The following NLRC3 variants were observed in gnomAD, a reference collection of about 807,000 sequenced individuals.
NLRC3 encodes NLR family CARD domain containing 3, also known as NLR family CARD domain-containing protein 3.
NLRC3 carries 87 observed loss-of-function variants against 91.6 expected under a neutral mutation model. The ratio of observed to expected loss-of-function variants is 0.95; its 90% confidence interval spans 0.80 to 1.14. NLRC3 has a LOEUF of 1.14. Among genes scored for constraint, NLRC3 ranks in the 50% most tolerant of loss-of-function variants. NLRC3 has a pLI of 0.00. For synonymous variants in NLRC3, 694 were observed against 625.3 expected (o/e 1.11, Z -1.64); for missense variants, 1,577 against 1,418.6 (o/e 1.11, Z -1.79).
chr16:3,547,530 C>A (rs2038754191), intron 15 of NLRC3, among the ~76,000 whole-genome samples: 1 of 151,964 alleles, frequency 6.6e-6, no homozygotes, highest in Admixed American at 6.6e-5. Context: ...GTGGGTGGAT[C>A]TTCTGGCGTG....
At chr16:3,555,091 G>A (rs1411823719) in intron 8 of NLRC3, among the ~76,000 whole-genome samples, 1 of 152,012 alleles carries the variant, frequency 6.6e-6, no homozygotes, top group African/African-American at 2.4e-5. Context: ...TTAGCTGGGT[G>A]TGGTGGCACA....
chr16:3,577,088 T>TC (rs1310581184), intron 1 of NLRC3, 61 bp downstream of exon 1: 9 of 702,814 alleles, frequency 1.3e-5, no homozygotes, highest in Non-Finnish European at 1.8e-5. Flanking sequence ...CCACTGTCCT[T>TC]CCTGCCAGCA....
At chr16:3,560,401 C>A (rs1302817630) in intron 6 of NLRC3, among the ~76,000 whole-genome samples, 5 of 151,132 alleles carry the variant, frequency 3.3e-5, no homozygotes, top group African/African-American at 1.2e-4. Flanking sequence ...CCAGCCTGCC[C>A]AACACAGGGA....
At position 3,566,878 on chromosome 16, in the gene NLRC3, G is replaced by A. The variant is rs1266796532; in HGVS notation, c.-87+365C>T. 7.2e-5 allele frequency among the ~76,000 whole-genome samples: 11 copies of A among 152,306 alleles called. No homozygotes were observed. The East Asian group carries it at 7.7e-4, about 11-fold the overall frequency. On this transcript the variant is annotated intron_variant, in intron 2 of 19. Transcript: ENST00000359128. ...TGCACTCCAGTCGGAGGGGAAGAGC[G>A]AGACTCCGTAAGCCTAAAATTGCTT...
intron 13 of NLRC3, 130 bp from the exon 14 acceptor site, chr16:3,548,883 C>A (rs1284580542): frequency 1.9e-5 from 13 of 693,220 alleles, no homozygotes; most frequent in Non-Finnish European, 3.2e-5. Context: ...CCTGGGGATA[C>A]GTTGCCCAAT....
chr16:3,555,600 C>T (rs893009780), intron 8 of NLRC3, among the ~76,000 whole-genome samples: 2 of 151,972 alleles, frequency 1.3e-5, no homozygotes, highest in African/African-American at 2.4e-5. Flanking sequence ...GACAGAGTCT[C>T]GCTCTGTCGC....
Position 3,549,157 on chromosome 16 carries a change from G to A in NLRC3, c.2588C>T (p.Thr863Ile), listed in dbSNP as rs2038860213. ...AIAHALCANS[T>I]LKNLDLTANL... The stretch of plus-strand genomic sequence containing the variant: ...CACCACGTACTCCAGGTTCTTCAGG[G>A]TGCTGTTGGCGCAGAGGGCATGAGC... Residue 863 changes from threonine to isoleucine, a missense_variant, in exon 13 of 20, where the codon ACC becomes ATC. Physicochemically the swap from Thr to Ile is moderately conservative, Grantham distance 89 (BLOSUM62 -1). Transcript: ENST00000359128. 8 of 1,580,506 alleles carry A rather than the reference G, an allele frequency of 5.1e-6. No individual in the cohort carries two copies. Among genetic ancestry groups the A allele is most frequent in the Non-Finnish European group, 6.0e-6 (7 of 1,162,628 alleles).
chr16:3,549,546 T>C, intron 12 of NLRC3, 151 bp downstream of exon 12: 1 of 675,430 alleles, frequency 1.5e-6, no homozygotes, highest in South Asian at 1.8e-5. Context: ...AGCTATCCCC[T>C]GCACCCCAAG....
chr16:3,549,129 C>T lies in NLRC3; in HGVS notation c.2603+13G>A. 6.4e-7 allele frequency: 1 copy of T among 1,553,902 alleles called. No homozygotes were observed. The highest frequency in any genetic ancestry group is 8.7e-7 in the Non-Finnish European group (1 of 1,144,580). On this transcript the variant is annotated intron_variant, in intron 13 of 19. Transcript: ENST00000359128. ...ATGAACAGCCTGTGGAGTCACAGGC[C>T]CCCACCACGTACTCCAGGTTCTTCA...
At chr16:3,557,125 G>C (rs2039379157) in intron 7 of NLRC3, 131 bp from the exon 8 acceptor site, 1 of 652,104 alleles carries the variant, frequency 1.5e-6, no homozygotes, top group Non-Finnish European at 2.7e-6. Flanking sequence ...CTCATGTTTG[G>C]TGGAACCAGG....
chr16:3,553,015 G>C (rs958510106), intron 9 of NLRC3, among the ~76,000 whole-genome samples: 5 of 152,196 alleles, frequency 3.3e-5, no homozygotes, highest in Admixed American at 3.3e-4. Context: ...GCTTCCTCTT[G>C]TCCTAAATCT....
intron 1 of NLRC3, among the ~76,000 whole-genome samples, chr16:3,576,662 G>A (rs866929157): frequency 1.4e-5 from 2 of 141,212 alleles, no homozygotes; most frequent in African/African-American, 5.0e-5. Context: ...TTTCTTTTTT[G>A]TTTTGTTTTG....
intron 8 of NLRC3, among the ~76,000 whole-genome samples, chr16:3,555,519 G>A (rs916309610): frequency 1.3e-5 from 2 of 152,068 alleles, no homozygotes; most frequent in Admixed American, 6.6e-5. Flanking sequence ...CAGATGTGAT[G>A]GTGGCACAAC....
At chr16:3,543,668 C>T (rs1028160137) in intron 16 of NLRC3, 160 bp from the exon 17 acceptor site, 9 of 619,408 alleles carry the variant, frequency 1.5e-5, no homozygotes, top group Middle Eastern at 4.3e-4. Flanking sequence ...CTCCTACCTA[C>T]ACTGTCTGTT....
Position 3,549,199 on chromosome 16 carries a change from T to G in NLRC3, c.2546A>C (p.Glu849Ala). The change falls in exon 13 of 20, where the codon GAG becomes GCG. Residue 849 changes from glutamate (E) to alanine (A), a missense_variant. Transcript: ENST00000359128. ...GGCATGAGCGATGGCCTGGGCTCCC[T>G]CGGGACTGATGGAGTTTTCTCGAAG... ...LSLRENSISP[E>A]GAQAIAHALC... 6.3e-7 allele frequency: 1 copy of G among 1,587,512 alleles called. No individual in the cohort carries two copies. Among genetic ancestry groups the G allele is most frequent in the Non-Finnish European group, 8.6e-7 (1 of 1,166,756 alleles).
chr16:3,564,303 C>G lies in NLRC3; in HGVS notation c.634G>C (p.Ala212Pro), dbSNP rs2039769359. The change falls in exon 5 of 20, where the codon GCC (alanine) becomes CCC (proline). Residue 212 changes from alanine to proline, a missense_variant. Transcript: ENST00000359128. The surrounding 1 kb of genome is among the most constrained non-coding windows in gnomAD (Gnocchi z 5.9). ...CCGTCCAGGATCAGGAGGGCCCTGG[C>G]TGGGACTGCCACCGCCAGGCTGGGC... ...GEPSLAVAVPARALLILDGLD... is the reference protein window; with the variant it reads ...GEPSLAVAVPPRALLILDGLD... 1 of 1,611,504 alleles carries G rather than the reference C, an allele frequency of 6.2e-7. No individual in the cohort carries two copies. Among genetic ancestry groups the G allele is most frequent in the African/African-American group, 1.3e-5 (1 of 74,934 alleles).
chr16:3,577,063 G>T, intron 1 of NLRC3, 86 bp downstream of exon 1: 1 of 702,218 alleles, frequency 1.4e-6, no homozygotes, highest in Non-Finnish European at 2.6e-6. Flanking sequence ...CCCCAGAGTA[G>T]CTCAGGCCTT....
chr16:3,567,867 T>C (rs1205153273), intron 1 of NLRC3, among the ~76,000 whole-genome samples: 2 of 150,944 alleles, frequency 1.3e-5, no homozygotes, highest in African/African-American at 4.9e-5. Flanking sequence ...TAGCTTTTTC[T>C]TTCTTTCTTT....
Position 3,549,224 on chromosome 16 carries a change from G to T in NLRC3, c.2521C>A (p.Leu841Ile). The change falls in exon 13 of 20, where the codon CTT becomes ATT. Residue 841 changes from leucine (L) to isoleucine (I), a missense_variant and splice_region_variant. Coordinates refer to ENST00000359128, the MANE Select transcript of NLRC3 (RefSeq NM_178844.4). ...CTNQTLLSLS[L>I]RENSISPEGA... ...TCGGGACTGATGGAGTTTTCTCGAA[G>T]GCTGAAAAAAAAGGAAAGACCTGAG... is the stretch of plus-strand genomic sequence containing the variant. 6.3e-7 allele frequency: 1 copy of T among 1,575,836 alleles called. No homozygotes were observed. Among genetic ancestry groups the T allele is most frequent in the Non-Finnish European group, 8.6e-7 (1 of 1,160,060 alleles).
Sources: gnomAD v4.1 joint callset for allele counts (sites outside exome capture counted in the v4.1 genomes callset) on GRCh38, gnomAD v4.1.1 for gene constraint, Gnocchi (gnomAD v3.1) non-coding constraint, MANE v1.5 for transcripts, NCBI Gene and HGNC (gene_info 2026-07-23, HGNC 2026-07-21) for gene names.